Variants in SNCAIP observed in about 807,000 individuals in gnomAD.
SNCAIP encodes the protein synphilin-1.
SNCAIP carries 43 observed loss-of-function variants against 86.7 expected under a neutral mutation model. That is an observed-to-expected ratio of 0.50 (90% CI 0.39 to 0.64). The LOEUF (loss-of-function observed/expected upper bound fraction) is 0.64, where lower values mean the gene tolerates loss of function less well. Ranked by LOEUF, SNCAIP falls within the 30% of genes least tolerant of loss-of-function variation. SNCAIP has a pLI of 0.00. For missense variants in SNCAIP, 981 were observed against 1,103.1 expected, an observed-to-expected ratio of 0.89 and a Z score of 1.57; for synonymous variants, 417 against 427.2, an observed-to-expected ratio of 0.98 and a Z score of 0.29.
chr5:122,425,897 A>C (rs1325425922), intron 5 of SNCAIP, among the ~76,000 whole-genome samples: 1 of 152,240 alleles, frequency 6.6e-6, no homozygotes, highest in Non-Finnish European at 1.5e-5. Flanking sequence ...GGTGTGTTTT[A>C]AGGATGCTAG....
intron 2 of SNCAIP, among the ~76,000 whole-genome samples, chr5:122,398,982 G>GT (rs1227803285): frequency 6.6e-6 from 1 of 152,180 alleles, no homozygotes; most frequent in African/African-American, 2.4e-5. Context: ...ACTCTGTGAA[G>GT]TTTTTGAAGC....
intron 1 of SNCAIP, among the ~76,000 whole-genome samples, chr5:122,339,619 CCGGT>C (rs1243864701): frequency 6.6e-6 from 1 of 152,136 alleles, no homozygotes; most frequent in Non-Finnish European, 1.5e-5. Flanking sequence ...TAGGAGATTT[CCGGT>C]CTTGATTCAA....
intron 1 of SNCAIP, among the ~76,000 whole-genome samples, chr5:122,318,012 T>C (rs1400146880): frequency 6.6e-6 from 1 of 152,008 alleles, no homozygotes; most frequent in African/African-American, 2.4e-5. Flanking sequence ...AATTGAATTA[T>C]ATAACTCCCT....
chr5:122,376,304 TC>T (rs1208364982), intron 1 of SNCAIP, among the ~76,000 whole-genome samples: 1 of 152,144 alleles, frequency 6.6e-6, no homozygotes, highest in Non-Finnish European at 1.5e-5. Flanking sequence ...TGTGATGTGT[TC>T]CAAACACATC....
intron 1 of SNCAIP, among the ~76,000 whole-genome samples, chr5:122,359,867 G>A (rs1452850294): frequency 6.6e-6 from 1 of 152,186 alleles, no homozygotes; most frequent in Non-Finnish European, 1.5e-5. Flanking sequence ...ATGATAGACA[G>A]CTAATGAATC....
chr5:122,320,120 C>G (rs1405475271), intron 1 of SNCAIP, among the ~76,000 whole-genome samples: 1 of 152,216 alleles, frequency 6.6e-6, no homozygotes. Context: ...GTGTCCAGTG[C>G]AAGAGCAGTC....
chr5:122,356,029 T>A (rs1760932669), intron 1 of SNCAIP, among the ~76,000 whole-genome samples: 2 of 152,142 alleles, frequency 1.3e-5, no homozygotes, highest in South Asian at 4.1e-4. Context: ...TAAATATATG[T>A]AGATTTATTT....
intron 1 of SNCAIP, among the ~76,000 whole-genome samples, chr5:122,386,653 C>T (rs1018710214): frequency 6.6e-6 from 1 of 152,144 alleles, no homozygotes; most frequent in African/African-American, 2.4e-5. Context: ...AGTTTCTGCA[C>T]AGCATATAGT....
intron 1 of SNCAIP, among the ~76,000 whole-genome samples, chr5:122,372,010 G>A (rs558465736): frequency 6.6e-6 from 1 of 152,240 alleles, no homozygotes; most frequent in South Asian, 2.1e-4. Flanking sequence ...TTAGGGGAAA[G>A]GGGGTTAATA....
intron 1 of SNCAIP, among the ~76,000 whole-genome samples, chr5:122,320,951 G>GGGTC (rs1331692428): frequency 1.3e-5 from 2 of 152,140 alleles, no homozygotes; most frequent in Non-Finnish European, 2.9e-5. Flanking sequence ...AGCCCTTGAT[G>GGGTC]GGTCGGTCCC....
At chr5:122,332,155 G>T (rs1399275711) in intron 1 of SNCAIP, among the ~76,000 whole-genome samples, 1 of 152,214 alleles carries the variant, frequency 6.6e-6, no homozygotes, top group Non-Finnish European at 1.5e-5. Flanking sequence ...TCCAGACAAT[G>T]ATTTAACATG....
At chr5:122,368,870 G>C (rs1763699273) in intron 1 of SNCAIP, among the ~76,000 whole-genome samples, 1 of 152,186 alleles carries the variant, frequency 6.6e-6, no homozygotes, top group Non-Finnish European at 1.5e-5. Context: ...CACTGCCTCA[G>C]AGAGAATTGA....
chr5:122,347,734 C>G (rs184032482), intron 1 of SNCAIP, among the ~76,000 whole-genome samples: 6 of 151,912 alleles, frequency 3.9e-5, no homozygotes, highest in Admixed American at 1.3e-4. Context: ...TAATGGACAC[C>G]TTATTCAAAC....
chr5:122,419,858 C>G (rs1329408323), intron 3 of SNCAIP, among the ~76,000 whole-genome samples: 1 of 151,946 alleles, frequency 6.6e-6, no homozygotes, highest in Non-Finnish European at 1.5e-5. Context: ...TAAATAATTG[C>G]GAGTGAAAAT....
intron 3 of SNCAIP, among the ~76,000 whole-genome samples, chr5:122,418,589 G>A (rs1456852719): frequency 2.0e-5 from 3 of 152,172 alleles, no homozygotes; most frequent in African/African-American, 7.2e-5. Flanking sequence ...CCTGAGGCCT[G>A]AGGTCTCATT....
chr5:122,328,957 A>T (rs1293585689), intron 1 of SNCAIP, among the ~76,000 whole-genome samples: 1 of 151,930 alleles, frequency 6.6e-6, no homozygotes. Context: ...TACCCTGTCA[A>T]CTCATTTCTC....
At chr5:122,384,340 A>C (rs1767638305) in intron 1 of SNCAIP, among the ~76,000 whole-genome samples, 1 of 152,218 alleles carries the variant, frequency 6.6e-6, no homozygotes, top group South Asian at 2.1e-4. Context: ...TTCTGCCTCC[A>C]TCACAGGTTG....
chr5:122,350,812 C>G (rs1388263289), intron 1 of SNCAIP, among the ~76,000 whole-genome samples: 1 of 152,120 alleles, frequency 6.6e-6, no homozygotes, highest in African/African-American at 2.4e-5. Context: ...AAGAAAGGTA[C>G]AGAGAGATCA....
intron 1 of SNCAIP, among the ~76,000 whole-genome samples, chr5:122,353,527 G>T (rs1051011366): frequency 2.8e-4 from 42 of 151,948 alleles, no homozygotes; most frequent in Admixed American, 2.3e-3. Flanking sequence ...TTGAATTGGA[G>T]CTCCCACAAT....
Sources: gnomAD v4.1 joint callset for allele counts (sites outside exome capture counted in the v4.1 genomes callset) on GRCh38, gnomAD v4.1.1 for gene constraint, MANE v1.5 for transcripts, NCBI Gene and HGNC (gene_info 2026-07-23, HGNC 2026-07-21) for gene names.